SLCO3A1: variants seen among roughly 807,000 people sequenced by gnomAD.
The protein encoded by SLCO3A1 is PGE1 transporter.
Under a neutral mutation model 63.1 loss-of-function variants are expected in SLCO3A1, and 27 were observed. The observed-to-expected ratio is 0.43, with a 90% CI of 0.32 to 0.59. SLCO3A1 has a LOEUF of 0.59. Ranked by LOEUF, SLCO3A1 falls within the 20% of genes least tolerant of loss-of-function variation. The pLI is 0.09. For missense variants in SLCO3A1, 773 were observed against 945.8 expected (o/e 0.82, Z 2.40); for synonymous variants, 473 against 409.9 (o/e 1.15, Z -1.86).
In SLCO3A1 at chr15:92,019,011, A is replaced by T. The variant is rs115656626; in HGVS notation, c.647-75870A>T. Among the ~76,000 whole-genome samples the T allele has an allele frequency of 5.9e-3, 889 of 151,900 alleles. 5 individuals carry two copies. The highest frequency in any genetic ancestry group is 0.018 in the African/African-American group (749 of 41,386). On this transcript the variant is annotated intron_variant, in intron 2 of 9. Coordinates refer to ENST00000318445, the MANE Select transcript of SLCO3A1 (RefSeq NM_013272.4). ...TGCTCCAGCTGAACTGTTGCTGTGA[A>T]CTCTATGTCTTAACTAGGAGTGTGT... is the stretch of plus-strand genomic sequence containing the variant.
Position 92,063,127 on chromosome 15 carries a change from T to C in SLCO3A1, c.647-31754T>C, listed in dbSNP as rs149335257. On this transcript the variant is annotated intron_variant, in intron 2 of 9. Coordinates refer to ENST00000318445, the MANE Select transcript of SLCO3A1 (RefSeq NM_013272.4). ...ATACTAAGCTCCAGGCTAGAGGGAA[T>C]TTATCCCTTTGGGAACCAGATACGC... Among the ~76,000 whole-genome samples the C allele has an allele frequency of 4.1e-3, 618 of 152,326 alleles. 5 individuals carry two copies. Among genetic ancestry groups the C allele is most frequent in the African/African-American group, 0.014 (593 of 41,568 alleles).
intron 2 of SLCO3A1, among the ~76,000 whole-genome samples, chr15:92,048,893 C>T (rs1352732897): frequency 6.6e-6 from 1 of 152,178 alleles, no homozygotes. Context: ...GTGCATTCAG[C>T]AGTTTCTTTA....
chr15:92,065,559 A>G (rs1309209336), intron 2 of SLCO3A1, among the ~76,000 whole-genome samples: 1 of 151,860 alleles, frequency 6.6e-6, no homozygotes, highest in Non-Finnish European at 1.5e-5. Flanking sequence ...TTCTGCAAGG[A>G]AAAAAGGAGG....
At chr15:92,039,460 AG>A (rs2046769698) in intron 2 of SLCO3A1, among the ~76,000 whole-genome samples, 1 of 152,264 alleles carries the variant, frequency 6.6e-6, no homozygotes, top group African/African-American at 2.4e-5. Context: ...TATCAAACAT[AG>A]GAAGAAAAGC....
rs759282606 is a variant in SLCO3A1 at position 91,916,323 on chromosome 15, A to G, written c.511A>G (p.Thr171Ala). Reference sequence around the variant, plus strand: ...CCCCGACCTCATCTGCCGCAACCGGACGGCTACCAACATGATGTACTTGCT... The same window carrying G: ...CCCCGACCTCATCTGCCGCAACCGGGCGGCTACCAACATGATGTACTTGCT... The part of the protein sequence containing the change: ...PDPDLICRNR[T>A]ATNMMYLLLI... Residue 171 changes from threonine to alanine, a missense_variant, in exon 2 of 10, where the codon ACG (threonine) becomes GCG (alanine). Around this residue, in one of 3 missense-constraint regions of SLCO3A1, gnomAD observed 565 missense variants for 749.8 expected, o/e 0.75. Transcript: ENST00000318445. This position sits in a 1 kb window ranked among gnomAD's most constrained non-coding sequence, Gnocchi z 6.2. The G allele has an allele frequency of 1.2e-5, 19 of 1,595,810 alleles. No individual in the cohort carries two copies. The highest frequency in any genetic ancestry group is 1.3e-5 in the Non-Finnish European group (15 of 1,171,622).
rs1042732520 is a variant in SLCO3A1 at position 91,941,968 on chromosome 15, G to A, written c.646+25510G>A. 1.8e-4 allele frequency among the ~76,000 whole-genome samples: 27 copies of A among 152,206 alleles called. No homozygotes were observed. Among genetic ancestry groups the A allele is most frequent in the African/African-American group, 6.5e-4 (27 of 41,440 alleles). On this transcript the variant is annotated intron_variant, in intron 2 of 9. Transcript: ENST00000318445. This position sits in a 1 kb window ranked among gnomAD's most constrained non-coding sequence, Gnocchi z 4.4. Reference sequence around the variant, plus strand: ...TACTGGCTGAGGACTGCCTGCCTTTGAGCTAGGTCTTACCCATCCACGACA... The same window carrying A: ...TACTGGCTGAGGACTGCCTGCCTTTAAGCTAGGTCTTACCCATCCACGACA...
rs1897091841 is a variant in SLCO3A1 at position 91,863,338 on chromosome 15, G to T, written c.180+9250G>T. Among the ~76,000 whole-genome samples the T allele has an allele frequency of 6.6e-6, 1 of 152,246 alleles. No homozygotes were observed. The highest frequency in any genetic ancestry group is 1.5e-5 in the Non-Finnish European group (1 of 68,042). ...ACAGGAGGCTTGTCCTGGGTCTGTG[G>T]TCACTGTAGCTTTCAGGGTGGTGGA... On this transcript the variant is annotated intron_variant, in intron 1 of 9. Coordinates refer to ENST00000318445, the MANE Select transcript of SLCO3A1 (RefSeq NM_013272.4). The surrounding 1 kb of genome is among the most constrained non-coding windows in gnomAD (Gnocchi z 4.3).
chr15:91,868,772 C>T (rs193195947), intron 1 of SLCO3A1, among the ~76,000 whole-genome samples: 2 of 152,288 alleles, frequency 1.3e-5, no homozygotes, highest in African/African-American at 2.4e-5. Context: ...GCCCGTGCCT[C>T]TCTGCAGTAT....
At chr15:92,070,849 C>T (rs2047207706) in intron 2 of SLCO3A1, among the ~76,000 whole-genome samples, 1 of 152,104 alleles carries the variant, frequency 6.6e-6, no homozygotes, top group African/African-American at 2.4e-5. Context: ...CATTTAAAAA[C>T]ATCTGTTAGA....
chr15:91,992,884 TG>T (rs1174538258), intron 2 of SLCO3A1, among the ~76,000 whole-genome samples: 1 of 152,190 alleles, frequency 6.6e-6, no homozygotes, highest in Non-Finnish European at 1.5e-5. Flanking sequence ...GCTATTGCAG[TG>T]GCATTTCCCC....
At chr15:92,073,963 G>C (rs7177406) in intron 2 of SLCO3A1, among the ~76,000 whole-genome samples, 129,476 of 151,884 alleles carry the variant, frequency 0.85, 55,606 homozygotes, top group African/African-American at 0.96. Flanking sequence ...GAGGTCAGGA[G>C]TTTAAGACCA....
intron 8 of SLCO3A1, among the ~76,000 whole-genome samples, chr15:92,150,512 T>C (rs1261403849): frequency 6.6e-6 from 1 of 152,172 alleles, no homozygotes; most frequent in African/African-American, 2.4e-5. Flanking sequence ...ACAAAATGAC[T>C]GGAGAATGGT....
intron 7 of SLCO3A1, among the ~76,000 whole-genome samples, chr15:92,139,953 G>A (rs1459633564): frequency 6.8e-5 from 10 of 147,242 alleles, no homozygotes; most frequent in African/African-American, 2.3e-4. Flanking sequence ...ATTTTTTGAA[G>A]GGTTTTTTTG....
intron 2 of SLCO3A1, among the ~76,000 whole-genome samples, chr15:92,085,856 T>A (rs1205650429): frequency 2.0e-5 from 3 of 152,222 alleles, no homozygotes; most frequent in Non-Finnish European, 4.4e-5. Context: ...TTTGACTCCC[T>A]GTCATTAAAG....
intron 2 of SLCO3A1, among the ~76,000 whole-genome samples, chr15:91,921,403 G>C (rs1018194377): frequency 4.6e-5 from 7 of 152,100 alleles, no homozygotes; most frequent in African/African-American, 1.7e-4. Flanking sequence ...GAATCTGGGG[G>C]AAGGAACACT....
At chr15:91,905,234 T>C (rs1195257061) in intron 1 of SLCO3A1, among the ~76,000 whole-genome samples, 1 of 152,244 alleles carries the variant, frequency 6.6e-6, no homozygotes, top group Non-Finnish European at 1.5e-5. Flanking sequence ...GAGCTTTTGC[T>C]AGACCTTAAT....
intron 2 of SLCO3A1, among the ~76,000 whole-genome samples, chr15:92,021,129 T>A (rs8023391): frequency 0.18 from 27,979 of 152,176 alleles, 2,770 homozygotes; most frequent in Non-Finnish European, 0.21. Flanking sequence ...TATCATCACC[T>A]GTATGGTTGT....
intron 2 of SLCO3A1, among the ~76,000 whole-genome samples, chr15:92,030,286 T>G (rs958008461): frequency 6.6e-6 from 1 of 152,186 alleles, no homozygotes; most frequent in Non-Finnish European, 1.5e-5. Flanking sequence ...TTTTCTTAGA[T>G]GAATACCAAG....
downstream of SLCO3A1, among the ~76,000 whole-genome samples, chr15:92,166,383 G>A (rs1034001081): frequency 2.5e-4 from 38 of 152,164 alleles, no homozygotes; most frequent in African/African-American, 8.7e-4. Context: ...GGTTGCTAAC[G>A]TCTTCCTAGC....
Sources: gnomAD v4.1 joint callset for allele counts (sites outside exome capture counted in the v4.1 genomes callset) on GRCh38, gnomAD v4.1.1 for gene constraint, gnomAD v4.1.1 regional missense constraint, Gnocchi (gnomAD v3.1) non-coding constraint, MANE v1.5 for transcripts, NCBI Gene and HGNC (gene_info 2026-07-23, HGNC 2026-07-21) for gene names.